Variants in SIK3 observed in about 807,000 individuals in gnomAD.
SIK3 encodes the protein serine/threonine-protein kinase SIK3.
SIK3 carries 28 observed loss-of-function variants against 144.2 expected under a neutral mutation model. The observed-to-expected ratio is 0.19, with a 90% CI of 0.14 to 0.27. The LOEUF (loss-of-function observed/expected upper bound fraction) is 0.27, where lower values mean the gene tolerates loss of function less well. SIK3 is among the 10% of genes least tolerant of loss of function. SIK3 has a pLI of 1.00. For synonymous variants in SIK3, 686 were observed against 676.3 expected (o/e 1.01, Z -0.22); for missense variants, 1,319 against 1,776.0 (o/e 0.74, Z 4.62).
At chr11:117,040,091 A>G (rs1223737877) in intron 1 of SIK3, among the ~76,000 whole-genome samples, 1 of 152,228 alleles carries the variant, frequency 6.6e-6, no homozygotes, top group Non-Finnish European at 1.5e-5. Flanking sequence ...AGCTTTGAAA[A>G]GGGGAAAAGA....
At position 116,867,516 on chromosome 11, in the gene SIK3, T is replaced by G. The variant is rs1385589406; in HGVS notation, c.1952+430A>C. Reference sequence around the variant, plus strand: ...AGGGGCTTTGTCTTCATTTCCAGGCTGGCGGTTCAATGGTAACACGATATG... The same window carrying G: ...AGGGGCTTTGTCTTCATTTCCAGGCGGGCGGTTCAATGGTAACACGATATG... On this transcript the variant is annotated intron_variant, in intron 15 of 24. Transcript: ENST00000445177. This position sits in a 1 kb window ranked among gnomAD's most constrained non-coding sequence, Gnocchi z 4.1. Among the ~76,000 whole-genome samples, 1 of 152,336 alleles carries G rather than the reference T, an allele frequency of 6.6e-6. No individual in the cohort carries two copies. The highest frequency in any genetic ancestry group is 1.9e-4 in the East Asian group (1 of 5,190).
chr11:116,978,977 A>G (rs1950048553), intron 1 of SIK3, among the ~76,000 whole-genome samples: 1 of 152,174 alleles, frequency 6.6e-6, no homozygotes, highest in African/African-American at 2.4e-5. Flanking sequence ...AGTTGTTTGG[A>G]TTTTTAGCTA....
chr11:117,078,962 G>A (rs1417322982), intron 1 of SIK3, among the ~76,000 whole-genome samples: 4 of 150,456 alleles, frequency 2.7e-5, no homozygotes, highest in South Asian at 2.1e-4. Flanking sequence ...ACACTAAAGA[G>A]GTCATGCCAG....
chr11:117,004,191 T>C (rs943849998), intron 1 of SIK3, among the ~76,000 whole-genome samples: 2 of 152,134 alleles, frequency 1.3e-5, no homozygotes, highest in East Asian at 1.9e-4. Flanking sequence ...GCAAGTTCAA[T>C]GAATCTACCT....
rs71037438 is a variant in SIK3, at chr11:116,998,165, T to TAA, written c.274-41103_274-41102dup. ...TCCACAGGTAGTGTATATGATAATT[T>TAA]AAAAAAAAAAAAAAGCTATTCCAAT... On this transcript the variant is annotated intron_variant, in intron 1 of 24. Coordinates refer to ENST00000445177, the MANE Select transcript of SIK3 (RefSeq NM_001366686.3). Among the ~76,000 whole-genome samples, 179 of 142,020 alleles carry TAA rather than the reference T, an allele frequency of 1.3e-3. 1 individual carries two copies. The highest frequency in any genetic ancestry group is 3.6e-3 in the African/African-American group (140 of 38,950). The allele number at this position is 142,020 out of a possible 152,430, so 93.2% of individuals were successfully genotyped here.
At chr11:117,096,752 G>A (rs995499879) in intron 1 of SIK3, among the ~76,000 whole-genome samples, 1 of 152,154 alleles carries the variant, frequency 6.6e-6, no homozygotes, top group African/African-American at 2.4e-5. Context: ...CAGAAAGATG[G>A]TGGGGAAGGA....
intron 19 of SIK3, 58 bp from the exon 20 acceptor site, chr11:116,859,662 T>C: frequency 7.3e-7 from 1 of 1,365,694 alleles, no homozygotes; most frequent in South Asian, 1.3e-5. Context: ...CAGCCAGAAG[T>C]AATGAGAGCT....
At chr11:116,879,022 G>A (rs978212476) in intron 6 of SIK3, among the ~76,000 whole-genome samples, 4 of 152,170 alleles carry the variant, frequency 2.6e-5, no homozygotes, top group Non-Finnish European at 5.9e-5. Context: ...CCACTGCAAT[G>A]CAAGGCCCAT....
At chr11:116,992,039 C>T (rs11216219) in intron 1 of SIK3, among the ~76,000 whole-genome samples, 11,031 of 152,030 alleles carry the variant, frequency 0.073, 494 homozygotes, top group Middle Eastern at 0.11. Context: ...ACAAAAAACT[C>T]GTGGCCGGGC....
chr11:116,974,600 T>C (rs1231737583), intron 1 of SIK3, among the ~76,000 whole-genome samples: 1 of 152,182 alleles, frequency 6.6e-6, no homozygotes, highest in Non-Finnish European at 1.5e-5. Context: ...TGTCTTGTTA[T>C]ATTGCCCAGG....
chr11:116,876,393 C>T, intron 7 of SIK3, 30 bp from the exon 8 acceptor site: 2 of 1,537,216 alleles, frequency 1.3e-6, no homozygotes, highest in Non-Finnish European at 1.8e-6. Flanking sequence ...AAGCTGTCAA[C>T]CCCCCAATTA....
chr11:116,994,146 T>C (rs1950583881), intron 1 of SIK3, among the ~76,000 whole-genome samples: 1 of 152,256 alleles, frequency 6.6e-6, no homozygotes, highest in Non-Finnish European at 1.5e-5. Context: ...TTAAAATCTA[T>C]TTAAAGTTGT....
At chr11:116,994,572 C>T (rs1218642512) in intron 1 of SIK3, among the ~76,000 whole-genome samples, 1 of 152,158 alleles carries the variant, frequency 6.6e-6, no homozygotes, top group Non-Finnish European at 1.5e-5. Context: ...ACAAAAAGTG[C>T]TTGGTGGTAA....
intron 4 of SIK3, among the ~76,000 whole-genome samples, chr11:116,899,391 G>A (rs914381310): frequency 2.2e-4 from 33 of 152,128 alleles, no homozygotes; most frequent in South Asian, 4.1e-4. Context: ...AGTATAGTTC[G>A]AAGTCAGGTA....
At chr11:116,868,152 A>C in intron 14 of SIK3, 63 bp from the exon 15 acceptor site, 3 of 1,544,806 alleles carry the variant, frequency 1.9e-6, no homozygotes, top group Non-Finnish European at 2.6e-6. Flanking sequence ...CTCCACAAGA[A>C]GCATTAGAAG....
chr11:116,962,041 C>A (rs1949366667), intron 1 of SIK3, among the ~76,000 whole-genome samples: 1 of 152,090 alleles, frequency 6.6e-6, no homozygotes, highest in Non-Finnish European at 1.5e-5. Context: ...CAATAATGTT[C>A]ATAGTGAATG....
intron 6 of SIK3, among the ~76,000 whole-genome samples, chr11:116,894,984 T>C (rs11820814): frequency 0.17 from 25,422 of 152,208 alleles, 2,286 homozygotes; most frequent in African/African-American, 0.21. Flanking sequence ...TTTTTTTGTA[T>C]GTTTGAAATT....
rs758547825 is a variant in SIK3 at position 116,867,904 on chromosome 11, G to A, written c.1952+42C>T. The A allele has an allele frequency of 4.8e-6, 7 of 1,466,678 alleles. No individual in the cohort carries two copies. In the South Asian group the frequency reaches 5.7e-5, roughly 12 times the overall value. 90.9% of individuals were successfully genotyped at this position (1,466,678 alleles called of 1,614,324 possible). On this transcript the variant is annotated intron_variant, in intron 15 of 24. Transcript: ENST00000445177. The surrounding 1 kb of genome is among the most constrained non-coding windows in gnomAD (Gnocchi z 4.1). ...AGACTAATCAGAAGGGTGCCTGTCC[G>A]ATGAGCCTCAAGGAGCTCGCACAGC...
intron 3 of SIK3, among the ~76,000 whole-genome samples, chr11:116,943,265 T>C (rs777668961): frequency 4.0e-5 from 6 of 151,818 alleles, no homozygotes; most frequent in Non-Finnish European, 8.8e-5. Flanking sequence ...TTTGGCAAAA[T>C]CAGAGCAGAG....
Sources: gnomAD v4.1 joint callset for allele counts (sites outside exome capture counted in the v4.1 genomes callset) on GRCh38, gnomAD v4.1.1 for gene constraint, Gnocchi (gnomAD v3.1) non-coding constraint, MANE v1.5 for transcripts, NCBI Gene and HGNC (gene_info 2026-07-23, HGNC 2026-07-21) for gene names.